GPHN: variants seen among roughly 807,000 people sequenced by gnomAD.
The protein encoded by GPHN is gephyrin.
Under a neutral mutation model 95.5 loss-of-function variants are expected in GPHN, and 17 were observed. That is an observed-to-expected ratio of 0.18 (90% CI 0.12 to 0.27). The LOEUF (loss-of-function observed/expected upper bound fraction) is 0.27. Ranked by LOEUF, GPHN falls within the 10% of genes least tolerant of loss-of-function variation. The pLI is 1.00. For missense variants in GPHN, 660 were observed against 978.1 expected, an observed-to-expected ratio of 0.67 and a Z score of 4.34; for synonymous variants, 320 against 322.5, an observed-to-expected ratio of 0.99 and a Z score of 0.08.
chr14:67,702,741 A>T, the GPHN span, among the ~76,000 whole-genome samples: 1 of 152,238 alleles, frequency 6.6e-6, no homozygotes, highest in Non-Finnish European at 1.5e-5. Context: ...ACAACATATA[A>T]CATATTACAT....
chr14:67,392,223 G>A, the GPHN span: 6 of 800,130 alleles, frequency 7.5e-6, no homozygotes, highest in South Asian at 4.2e-5. Flanking sequence ...GCTGTAATTG[G>A]TGCCCTCCAG....
chr14:66,633,127 T>G (rs1262607775), intron 1 of GPHN, among the ~76,000 whole-genome samples: 1 of 152,204 alleles, frequency 6.6e-6, no homozygotes, highest in Non-Finnish European at 1.5e-5. Flanking sequence ...AATCATATAC[T>G]GTCACATCAT....
At chr14:67,225,410 T>C in the GPHN span, 3 of 517,976 alleles carry the variant, frequency 5.8e-6, no homozygotes, top group Non-Finnish European at 6.2e-6. Flanking sequence ...TGTTAGGGGT[T>C]TGTTGTGGTT....
chr14:67,395,597 G>C, the GPHN span: 8 of 1,613,482 alleles, frequency 5.0e-6, no homozygotes, highest in African/African-American at 5.3e-5. Context: ...TGGGAAGAGA[G>C]AGCCAGTCAG....
At chr14:66,516,382 A>G (rs1034699286) in intron 1 of GPHN, among the ~76,000 whole-genome samples, 87 of 152,048 alleles carry the variant, frequency 5.7e-4, no homozygotes, top group African/African-American at 2.1e-3. Flanking sequence ...ATGTTTCCAT[A>G]ACGTATATGC....
At chr14:67,476,454 G>A in the GPHN span, among the ~76,000 whole-genome samples, 2 of 152,102 alleles carry the variant, frequency 1.3e-5, no homozygotes, top group African/African-American at 4.8e-5. Context: ...GGGTGTGGTG[G>A]CATGCACCTG....
chr14:67,243,948 G>A, the GPHN span, among the ~76,000 whole-genome samples: 1 of 152,144 alleles, frequency 6.6e-6, no homozygotes, highest in African/African-American at 2.4e-5. Flanking sequence ...GCTAGTTAGG[G>A]GCAGACTTGG....
the GPHN span, among the ~76,000 whole-genome samples, chr14:67,644,347 G>A: frequency 1.3e-5 from 2 of 152,168 alleles, no homozygotes; most frequent in Non-Finnish European, 2.9e-5. Context: ...AAAGGAAACT[G>A]AAATCTAAAG....
chr14:66,697,927 A>G (rs1003006804), intron 2 of GPHN, among the ~76,000 whole-genome samples: 1 of 152,036 alleles, frequency 6.6e-6, no homozygotes, highest in Non-Finnish European at 1.5e-5. Context: ...ACTCCTGGGC[A>G]TAAGAGATCC....
chr14:66,633,154 C>G (rs1376852091), intron 1 of GPHN, among the ~76,000 whole-genome samples: 1 of 151,992 alleles, frequency 6.6e-6, no homozygotes, highest in African/African-American at 2.4e-5. Context: ...GTTTTATTTT[C>G]TACTGTAATT....
At chr14:67,060,015 C>A (rs1185473331) in intron 11 of GPHN, among the ~76,000 whole-genome samples, 1 of 151,966 alleles carries the variant, frequency 6.6e-6, no homozygotes. Flanking sequence ...GAAACCAAGA[C>A]ATTTTCAGAA....
intron 5 of GPHN, among the ~76,000 whole-genome samples, chr14:66,896,917 C>A (rs1369916451): frequency 2.0e-5 from 3 of 152,052 alleles, no homozygotes; most frequent in African/African-American, 7.2e-5. Flanking sequence ...CCATAGAACA[C>A]TGCTTAGTTT....
the GPHN span, chr14:67,272,078 C>G: frequency 6.7e-6 from 1 of 149,508 alleles, no homozygotes; most frequent in East Asian, 2.0e-4. Context: ...AAAAAAAGTT[C>G]AAGGATCCTG....
the GPHN span, among the ~76,000 whole-genome samples, chr14:67,300,853 T>C: frequency 6.6e-6 from 1 of 151,952 alleles, no homozygotes; most frequent in Non-Finnish European, 1.5e-5. Flanking sequence ...TTTTTTTAAT[T>C]ATATAAAAAA....
chr14:67,539,794 G>A, the GPHN span, among the ~76,000 whole-genome samples: 1,553 of 152,256 alleles, frequency 0.01, 34 homozygotes, highest in African/African-American at 0.035. Flanking sequence ...TAGCTTCTCT[G>A]TTCCTCAGTG....
chr14:66,959,838 C>T (rs1002713081), intron 8 of GPHN, among the ~76,000 whole-genome samples: 1 of 151,982 alleles, frequency 6.6e-6, no homozygotes, highest in Admixed American at 6.6e-5. Flanking sequence ...CTCTCCTCTC[C>T]TTCTGGGACC....
chr14:67,687,282 A>G, the GPHN span, among the ~76,000 whole-genome samples: 1 of 152,126 alleles, frequency 6.6e-6, no homozygotes, highest in Non-Finnish European at 1.5e-5. Flanking sequence ...TAGAATAAAC[A>G]CTAAAATCCT....
chr14:67,264,291 T>C, the GPHN span, among the ~76,000 whole-genome samples: 1 of 152,246 alleles, frequency 6.6e-6, no homozygotes, highest in South Asian at 2.1e-4. Context: ...ATTTAACATA[T>C]GTAGCACAGT....
chr14:66,999,292 G>A (rs541440975), intron 9 of GPHN, among the ~76,000 whole-genome samples: 14 of 151,854 alleles, frequency 9.2e-5, no homozygotes, highest in Admixed American at 2.6e-4. Flanking sequence ...AATACAAAAC[G>A]TTAGTAGTGT....
Sources: gnomAD v4.1 joint callset for allele counts (sites outside exome capture counted in the v4.1 genomes callset) on GRCh38, gnomAD v4.1.1 for gene constraint, MANE v1.5 for transcripts, NCBI Gene and HGNC (gene_info 2026-07-23, HGNC 2026-07-21) for gene names.